The following MALRD1 variants were observed in gnomAD, a reference collection of about 807,000 sequenced individuals.
MALRD1 encodes the protein MAM and LDL receptor class A domain containing 1.
Under a neutral mutation model 242.1 loss-of-function variants are expected in MALRD1, and 247 were observed. The ratio of observed to expected loss-of-function variants is 1.02; its 90% CI spans 0.92 to 1.13. The LOEUF (loss-of-function observed/expected upper bound fraction) is 1.13, where lower values mean the gene tolerates loss of function less well. MALRD1 is among the 50% of genes most tolerant of loss of function. The pLI is 0.00. For missense variants in MALRD1, 2,989 were observed against 2,533.1 expected (o/e 1.18, Z -3.86); for synonymous variants, 995 against 866.6 (o/e 1.15, Z -2.60).
intron 8 of MALRD1, among the ~76,000 whole-genome samples, chr10:19,130,650 G>A (rs1445546857): frequency 6.6e-6 from 1 of 151,606 alleles, no homozygotes; most frequent in Non-Finnish European, 1.5e-5. Flanking sequence ...GAATGGAATT[G>A]TGTATTTAAT....
chr10:19,479,261 T>C (rs1337056732), intron 29 of MALRD1, among the ~76,000 whole-genome samples: 1 of 152,198 alleles, frequency 6.6e-6, no homozygotes, highest in Non-Finnish European at 1.5e-5. Context: ...CACCATTGTA[T>C]AGCATTTCAA....
intron 21 of MALRD1, among the ~76,000 whole-genome samples, chr10:19,300,007 CAATTTTAGCAA>C (rs1841874422): frequency 6.6e-6 from 1 of 151,938 alleles, no homozygotes; most frequent in Non-Finnish European, 1.5e-5. Context: ...ATTGAAGAAA[CAATTTTAGCAA>C]AATTTCAGGA....
At chr10:19,261,445 G>GT (rs1417214513) in intron 19 of MALRD1, among the ~76,000 whole-genome samples, 3 of 118,864 alleles carry the variant, frequency 2.5e-5, no homozygotes, top group East Asian at 4.5e-4. Flanking sequence ...TGAGCTCTAC[G>GT]TAAAAAAAAA....
intron 18 of MALRD1, among the ~76,000 whole-genome samples, chr10:19,251,364 C>T (rs962616049): frequency 1.3e-5 from 2 of 151,950 alleles, no homozygotes; most frequent in Non-Finnish European, 2.9e-5. Flanking sequence ...TTCTTGCCAC[C>T]TCTCTTTCTC....
intron 28 of MALRD1, among the ~76,000 whole-genome samples, chr10:19,433,864 T>C (rs1262469049): frequency 1.3e-5 from 2 of 151,950 alleles, no homozygotes; most frequent in Non-Finnish European, 2.9e-5. Flanking sequence ...CCAGCAGTTA[T>C]ATGGCAAACA....
At chr10:19,237,649 T>A (rs1253176545) in intron 18 of MALRD1, among the ~76,000 whole-genome samples, 1 of 43,450 alleles carries the variant, frequency 2.3e-5, no homozygotes, top group Admixed American at 3.7e-4. Context: ...TATAAATTAT[T>A]ATAATTATAT....
intron 36 of MALRD1, among the ~76,000 whole-genome samples, chr10:19,648,513 TAATC>T (rs1426855668): frequency 6.6e-6 from 1 of 152,116 alleles, no homozygotes; most frequent in Admixed American, 6.5e-5. Context: ...AGTTTCAAGA[TAATC>T]AACCAATAAA....
intron 28 of MALRD1, among the ~76,000 whole-genome samples, chr10:19,446,207 A>G (rs1294544369): frequency 6.6e-6 from 1 of 152,108 alleles, no homozygotes; most frequent in African/African-American, 2.4e-5. Context: ...TGGCTAGGAA[A>G]TGGAATTCCC....
At chr10:19,127,967 G>T (rs552901294) in intron 7 of MALRD1, among the ~76,000 whole-genome samples, 1 of 152,204 alleles carries the variant, frequency 6.6e-6, no homozygotes, top group Admixed American at 6.5e-5. Context: ...TAGGAATCTT[G>T]AATTTTTACA....
At chr10:19,541,909 T>C (rs1834990051) in intron 32 of MALRD1, among the ~76,000 whole-genome samples, 1 of 152,186 alleles carries the variant, frequency 6.6e-6, no homozygotes. Context: ...AAAACACTGG[T>C]ATTAAGTTTG....
At chr10:19,302,311 A>T (rs1462788437) in intron 21 of MALRD1, among the ~76,000 whole-genome samples, 3 of 151,842 alleles carry the variant, frequency 2.0e-5, no homozygotes, top group African/African-American at 4.8e-5. Flanking sequence ...GTGAAAACAT[A>T]TACCCACAAA....
Position 19,450,309 on chromosome 10 carries a change from A to G in MALRD1, c.4848A>G (p.Thr1616=). The change falls in exon 29 of 40, where the codon ACA becomes ACG. Residue 1616 remains threonine (T), a splice_region_variant and synonymous_variant. Transcript: ENST00000454679. ...CATACAAACTTCTTTACTTTCAGAC[A>G]GAGAAAGGACTATCAAAAGTATGGC... ...ATGSIQILIK[T]EKGLSKVWQE... is the part of the protein sequence containing the mutation. 2 of 1,546,376 alleles carry G rather than the reference A, an allele frequency of 1.3e-6. No homozygotes were observed. The highest frequency in any genetic ancestry group is 1.7e-6 in the Non-Finnish European group (2 of 1,146,058).
intron 8 of MALRD1, among the ~76,000 whole-genome samples, chr10:19,132,753 A>G (rs982163408): frequency 6.6e-6 from 1 of 152,184 alleles, no homozygotes; most frequent in African/African-American, 2.4e-5. Context: ...CTAAAAATTC[A>G]TGCATTCTAT....
chr10:19,227,630 G>C (rs1039654802), intron 18 of MALRD1, among the ~76,000 whole-genome samples: 2 of 151,886 alleles, frequency 1.3e-5, no homozygotes, highest in African/African-American at 2.4e-5. Flanking sequence ...AAATTAAAAC[G>C]TTTGCAATTT....
At chr10:19,349,829 C>T (rs1052610769) in intron 25 of MALRD1, among the ~76,000 whole-genome samples, 3 of 152,140 alleles carry the variant, frequency 2.0e-5, no homozygotes, top group African/African-American at 7.2e-5. Flanking sequence ...TTAAACACTT[C>T]TAAAAATGTC....
At chr10:19,464,899 T>C (rs374716738) in intron 29 of MALRD1, among the ~76,000 whole-genome samples, 11 of 152,074 alleles carry the variant, frequency 7.2e-5, no homozygotes, top group Admixed American at 2.0e-4. Context: ...CAGTGTTTTA[T>C]AGTTTTCCTT....
chr10:19,559,054 G>A (rs1338542291), intron 32 of MALRD1, among the ~76,000 whole-genome samples: 5 of 151,768 alleles, frequency 3.3e-5, no homozygotes, highest in African/African-American at 1.2e-4. Flanking sequence ...ATGATGGTGG[G>A]CACCTGTGAT....
Position 19,552,132 on chromosome 10 carries a change from T to G in MALRD1, c.5479-15370T>G, listed in dbSNP as rs1028074784. ...GAATGAGTTAGAGAGGAGTCCCTCC[T>G]TTTCAATTTTTTTGTATAGTTTCTC... On this transcript the variant is annotated intron_variant, in intron 32 of 39. Transcript: ENST00000454679. Among the ~76,000 whole-genome samples the G allele has an allele frequency of 2.6e-5, 4 of 152,284 alleles. No homozygotes were observed. The East Asian group carries it at 7.7e-4, about 29-fold the overall frequency.
At chr10:19,168,322 A>T (rs1834786375) in intron 13 of MALRD1, among the ~76,000 whole-genome samples, 1 of 152,164 alleles carries the variant, frequency 6.6e-6, no homozygotes, top group Admixed American at 6.6e-5. Context: ...GAACAATTTG[A>T]TCTTTTGCCT....
Sources: gnomAD v4.1 joint callset for allele counts (sites outside exome capture counted in the v4.1 genomes callset) on GRCh38, gnomAD v4.1.1 for gene constraint, MANE v1.5 for transcripts, NCBI Gene and HGNC (gene_info 2026-07-23, HGNC 2026-07-21) for gene names.